Variants in ENPP2 observed in about 807,000 individuals in gnomAD.
ENPP2 encodes autotaxin.
A neutral mutation model predicts 120.2 loss-of-function variants in ENPP2; 51 were observed. The ratio of observed to expected loss-of-function variants is 0.42; its 90% CI spans 0.34 to 0.54. The LOEUF is 0.54. ENPP2 is among the 20% of genes least tolerant of loss of function. ENPP2 has a pLI of 0.04. For synonymous variants in ENPP2, 365 were observed against 366.4 expected (o/e 1.00, Z 0.04); for missense variants, 920 against 1,066.5 (o/e 0.86, Z 1.91).
intron 12 of ENPP2, 129 bp downstream of exon 12, chr8:119,593,623 C>G (rs919664073): frequency 3.1e-6 from 2 of 645,892 alleles, no homozygotes; most frequent in Non-Finnish European, 5.5e-6. Context: ...ATTTCTATCC[C>G]CATCTTAAAG....
In ENPP2 at chr8:119,557,379, G is replaced by T; in HGVS notation, c.*142C>A. The T allele has an allele frequency of 1.6e-6, 1 of 633,114 alleles. No individual in the cohort carries two copies. The highest frequency in any genetic ancestry group is 2.6e-6 in the Non-Finnish European group (1 of 383,666). 39.2% of individuals were successfully genotyped at this position (633,114 alleles called of 1,614,324 possible). A position where few individuals can be genotyped will look rare whatever the true frequency, so the allele number is the denominator to read the frequency against. On this transcript the variant is annotated 3_prime_UTR_variant, in exon 25 of 25. Transcript: ENST00000075322. ...TCAAGCATTAGAGAAAAACAGTGGA[G>T]TCATTCAGGCATAATATGTCAGATT...
intron 1 of ENPP2, among the ~76,000 whole-genome samples, chr8:119,648,384 C>G (rs778505683): frequency 6.6e-6 from 1 of 152,118 alleles, no homozygotes; most frequent in Non-Finnish European, 1.5e-5. Context: ...TTCAATCCAC[C>G]TTTTTCACAT....
At chr8:119,661,465 C>T (rs1817918470) in intron 1 of ENPP2, among the ~76,000 whole-genome samples, 1 of 152,202 alleles carries the variant, frequency 6.6e-6, no homozygotes, top group African/African-American at 2.4e-5. Flanking sequence ...AATGAAATAT[C>T]ACCTCGGACC....
chr8:119,621,330 A>T, intron 4 of ENPP2, 64 bp downstream of exon 4: 4 of 1,512,986 alleles, frequency 2.6e-6, no homozygotes, highest in Non-Finnish European at 3.7e-6. Flanking sequence ...AGCATCCAGG[A>T]TCTCCTGGAG....
At chr8:119,664,530 A>T (rs1818015583) in intron 1 of ENPP2, among the ~76,000 whole-genome samples, 1 of 152,254 alleles carries the variant, frequency 6.6e-6, no homozygotes, top group Non-Finnish European at 1.5e-5. Flanking sequence ...TGTGGTGACT[A>T]GAAAGTGAAA....
At chr8:119,568,368 G>A (rs1349218914) in intron 21 of ENPP2, 116 bp from the exon 22 acceptor site, 2 of 668,978 alleles carry the variant, frequency 3.0e-6, no homozygotes, top group Non-Finnish European at 5.4e-6. Flanking sequence ...TGAAGTAAAT[G>A]AATCTACTCT....
chr8:119,604,520 T>G (rs895451691), intron 9 of ENPP2, among the ~76,000 whole-genome samples: 1 of 151,804 alleles, frequency 6.6e-6, no homozygotes, highest in East Asian at 1.9e-4. Flanking sequence ...ATGGGGTACA[T>G]GTTGCTGTCT....
chr8:119,614,347 G>A (rs758720489), intron 8 of ENPP2, among the ~76,000 whole-genome samples: 2 of 151,962 alleles, frequency 1.3e-5, no homozygotes, highest in South Asian at 2.1e-4. Context: ...CATCGCACAT[G>A]AGCCACCACG....
At chr8:119,625,555 T>C (rs1816210909) in intron 3 of ENPP2, among the ~76,000 whole-genome samples, 2 of 152,214 alleles carry the variant, frequency 1.3e-5, no homozygotes, top group South Asian at 4.1e-4. Flanking sequence ...TAGTAAGAGT[T>C]AGGTCTTTGA....
intron 9 of ENPP2, among the ~76,000 whole-genome samples, chr8:119,605,642 T>TTC (rs1380403746): frequency 6.6e-6 from 1 of 151,314 alleles, no homozygotes; most frequent in East Asian, 1.9e-4. Flanking sequence ...GTATTTTTTT[T>TTC]TTTTTAGGAG....
At chr8:119,654,001 A>G (rs1817696884) in intron 1 of ENPP2, among the ~76,000 whole-genome samples, 1 of 146,780 alleles carries the variant, frequency 6.8e-6, no homozygotes, top group African/African-American at 2.5e-5. Context: ...AAAATATTAT[A>G]TATTAAATAT....
intron 2 of ENPP2, among the ~76,000 whole-genome samples, chr8:119,635,983 A>G (rs1456625857): frequency 1.3e-5 from 2 of 152,212 alleles, no homozygotes; most frequent in African/African-American, 4.8e-5. Context: ...ATGCTTTTGA[A>G]TGGTGGATCT....
At chr8:119,579,554 C>CA in intron 19 of ENPP2, among the ~76,000 whole-genome samples, 1 of 133,984 alleles carries the variant, frequency 7.5e-6, no homozygotes, top group East Asian at 2.1e-4. Flanking sequence ...CCTCTTAGTA[C>CA]AAATCACTAA....
intron 11 of ENPP2, among the ~76,000 whole-genome samples, chr8:119,598,935 A>C (rs141176138): frequency 1.3e-5 from 2 of 152,160 alleles, no homozygotes; most frequent in Non-Finnish European, 2.9e-5. Context: ...CCTACCCCAC[A>C]GGTTCTTTGA....
chr8:119,566,231 GA>G (rs1029963001), intron 22 of ENPP2, among the ~76,000 whole-genome samples: 2 of 152,184 alleles, frequency 1.3e-5, no homozygotes, highest in African/African-American at 4.8e-5. Flanking sequence ...GGGCAGAATG[GA>G]AATGGAGAAA....
intron 16 of ENPP2, 60 bp from the exon 17 acceptor site, chr8:119,583,864 T>C (rs1469485922): frequency 9.5e-6 from 13 of 1,362,184 alleles, no homozygotes; most frequent in Non-Finnish European, 1.4e-5. Flanking sequence ...ACCCTTCCTC[T>C]ATTTATGAAT....
chr8:119,590,722 G>A lies in ENPP2; in HGVS notation c.1082-92C>T, dbSNP rs1587411551. 11 of 938,468 alleles carry A rather than the reference G, an allele frequency of 1.2e-5. No homozygotes were observed. The East Asian group carries it at 3.2e-4, about 27-fold the overall frequency. The allele number at this position is 938,468 out of a possible 1,614,324, so 58.1% of individuals were successfully genotyped here. ...AAGATAACATCCAGGCATCTCTTTA[G>A]TTAGTTTTTAGTAACTTAATGGGAA... On this transcript the variant is annotated intron_variant, in intron 12 of 24. Transcript: ENST00000075322.
intron 10 of ENPP2, 91 bp downstream of exon 10, chr8:119,601,306 G>T: frequency 2.3e-6 from 2 of 866,406 alleles, no homozygotes; most frequent in Non-Finnish European, 3.8e-6. Flanking sequence ...CCAAACATTG[G>T]CTGTGCTTCT....
At chr8:119,635,208 C>T (rs188788251) in intron 2 of ENPP2, among the ~76,000 whole-genome samples, 8 of 152,280 alleles carry the variant, frequency 5.3e-5, no homozygotes, top group Admixed American at 6.5e-5. Context: ...CAAAGAAAAG[C>T]TTTATCCATA....
Sources: gnomAD v4.1 joint callset for allele counts (sites outside exome capture counted in the v4.1 genomes callset) on GRCh38, gnomAD v4.1.1 for gene constraint, MANE v1.5 for transcripts, NCBI Gene and HGNC (gene_info 2026-07-23, HGNC 2026-07-21) for gene names.